Variants in ASTN1 observed in about 807,000 individuals in gnomAD.
ASTN1 encodes astrotactin-1.
Under a neutral mutation model 140.7 loss-of-function variants are expected in ASTN1, and 41 were observed. That is an observed-to-expected ratio of 0.29 (90% CI 0.23 to 0.38). The LOEUF (loss-of-function observed/expected upper bound fraction) is 0.38. Ranked by LOEUF, ASTN1 falls within the 10% of genes least tolerant of loss-of-function variation. The pLI is 1.00. For missense variants in ASTN1, 1,479 were observed against 1,678.8 expected (o/e 0.88, Z 2.08); for synonymous variants, 640 against 652.2 (o/e 0.98, Z 0.29).
chr1:176,962,077 C>A (rs553561622), intron 9 of ASTN1, among the ~76,000 whole-genome samples: 1 of 152,194 alleles, frequency 6.6e-6, no homozygotes, highest in Non-Finnish European at 1.5e-5. Context: ...GGCATCTCCA[C>A]GCTTCCTCAG....
chr1:177,158,655 C>CGT (rs34610563), intron 1 of ASTN1, among the ~76,000 whole-genome samples: 51,772 of 142,426 alleles, frequency 0.36, 9,879 homozygotes, highest in Non-Finnish European at 0.45. Flanking sequence ...GAAAAAAGTA[C>CGT]GTGTGTGTGT....
chr1:177,026,905 C>G (rs1676144999), intron 5 of ASTN1, among the ~76,000 whole-genome samples: 1 of 152,122 alleles, frequency 6.6e-6, no homozygotes, highest in Non-Finnish European at 1.5e-5. Flanking sequence ...CTGGGAGGAT[C>G]CTTCATGGAG....
chr1:177,100,078 C>T lies in ASTN1; in HGVS notation c.284-38813G>A, dbSNP rs893817297. Among the ~76,000 whole-genome samples the T allele has an allele frequency of 3.6e-4, 55 of 152,172 alleles. 1 individual carries two copies. Among genetic ancestry groups the T allele is most frequent in the African/African-American group, 1.2e-3 (50 of 41,516 alleles). On this transcript the variant is annotated intron_variant, in intron 1 of 22. Coordinates refer to ENST00000361833, the MANE Select transcript of ASTN1 (RefSeq NM_004319.3). ...AGTAAATGGCAGATAGGACTTATTC[C>T]TAGGCACCTAATTCCAATTCTAACA...
chr1:177,036,178 GTAGC>G (rs1448509259), intron 2 of ASTN1, among the ~76,000 whole-genome samples: 1 of 150,824 alleles, frequency 6.6e-6, no homozygotes, highest in Non-Finnish European at 1.5e-5. Flanking sequence ...AGCCTCCTGA[GTAGC>G]TGGGATTACA....
chr1:176,955,443 C>T (rs966268398), intron 11 of ASTN1, among the ~76,000 whole-genome samples: 4 of 152,174 alleles, frequency 2.6e-5, no homozygotes, highest in Non-Finnish European at 5.9e-5. Flanking sequence ...GCCTATGCTT[C>T]ACCAGCCAAT....
chr1:176,861,449 C>G lies in ASTN1; in HGVS notation c.*2835G>C. The G allele has an allele frequency of 1.0e-6, 1 of 985,824 alleles. No homozygotes were observed. Among genetic ancestry groups the G allele is most frequent in the Non-Finnish European group, 1.2e-6 (1 of 829,950 alleles). 61.1% of individuals were successfully genotyped at this position (985,824 alleles called of 1,614,324 possible). A position where few individuals can be genotyped will look rare whatever the true frequency, so the allele number is the denominator to read the frequency against. ...TAAGACCTGTTTGGCAGCTTGAAAA[C>G]TCAAGGTTGAATACCGGTCCAGTAC... On this transcript the variant is annotated 3_prime_UTR_variant, in exon 23 of 23. Transcript: ENST00000361833.
At chr1:176,980,833 G>T (rs1184900663) in intron 8 of ASTN1, among the ~76,000 whole-genome samples, 1 of 152,072 alleles carries the variant, frequency 6.6e-6, no homozygotes, top group Non-Finnish European at 1.5e-5. Flanking sequence ...TCTGTTAGAA[G>T]GGTAATTAAC....
rs1457341306 is a variant in ASTN1 at position 176,861,460 on chromosome 1, A to G, written c.*2824T>C. On this transcript the variant is annotated 3_prime_UTR_variant, in exon 23 of 23. Coordinates refer to ENST00000361833, the MANE Select transcript of ASTN1 (RefSeq NM_004319.3). ...TGGCAGCTTGAAAACTCAAGGTTGAATACCGGTCCAGTACCATCACCCTTT... is the reference window on the plus strand; with the variant it reads ...TGGCAGCTTGAAAACTCAAGGTTGAGTACCGGTCCAGTACCATCACCCTTT... 4 of 985,738 alleles carry G rather than the reference A, an allele frequency of 4.1e-6. No homozygotes were observed. In the African/African-American group the frequency reaches 7.0e-5, roughly 17 times the overall value. 61.1% of individuals were successfully genotyped at this position (985,738 alleles called of 1,614,324 possible). A position where few individuals can be genotyped will look rare whatever the true frequency, so the allele number is the denominator to read the frequency against.
intron 20 of ASTN1, among the ~76,000 whole-genome samples, chr1:176,881,535 A>C (rs1434432292): frequency 1.3e-5 from 2 of 152,212 alleles, no homozygotes; most frequent in Non-Finnish European, 2.9e-5. Context: ...GCCTTACAGC[A>C]GGTTAGGTGG....
chr1:177,003,644 C>G (rs1347621163), intron 8 of ASTN1, among the ~76,000 whole-genome samples: 1 of 151,972 alleles, frequency 6.6e-6, no homozygotes, highest in African/African-American at 2.4e-5. Context: ...AACCCTGTCT[C>G]TACTAAAAAT....
chr1:177,142,068 A>G (rs1228385175), intron 1 of ASTN1, among the ~76,000 whole-genome samples: 1 of 152,158 alleles, frequency 6.6e-6, no homozygotes, highest in Non-Finnish European at 1.5e-5. Flanking sequence ...TATTAGAAAA[A>G]CTACAGGGAA....
At chr1:177,062,352 C>T (rs966049205) in intron 1 of ASTN1, among the ~76,000 whole-genome samples, 3 of 151,838 alleles carry the variant, frequency 2.0e-5, no homozygotes, top group African/African-American at 7.3e-5. Context: ...GCAATCCTCC[C>T]ACCCCAGCCT....
intron 1 of ASTN1, among the ~76,000 whole-genome samples, chr1:177,083,967 C>T (rs1679300840): frequency 6.6e-6 from 1 of 152,160 alleles, no homozygotes; most frequent in African/African-American, 2.4e-5. Context: ...TATTTTTCTT[C>T]TTTTGTCAGA....
chr1:177,149,122 AAT>A lies in ASTN1; in HGVS notation c.283+15270_283+15271del, dbSNP rs1424761468. Among the ~76,000 whole-genome samples the A allele has an allele frequency of 3.4e-4, 35 of 103,626 alleles. 1 individual carries two copies. The highest frequency in any genetic ancestry group is 4.1e-4 in the Non-Finnish European group (25 of 60,422). 68.0% of individuals were successfully genotyped at this position (103,626 alleles called of 152,430 possible). A position where few individuals can be genotyped will look rare whatever the true frequency, so the allele number is the denominator to read the frequency against. On this transcript the variant is annotated intron_variant, in intron 1 of 22. Coordinates refer to ENST00000361833, the MANE Select transcript of ASTN1 (RefSeq NM_004319.3). The stretch of plus-strand genomic sequence containing the variant: ...AAATATATATAGTGTATATATAGTA[AAT>A]ATATATAGTGCATATATATAGTGCA...
At chr1:177,104,575 G>A (rs1035089035) in intron 1 of ASTN1, among the ~76,000 whole-genome samples, 1 of 152,176 alleles carries the variant, frequency 6.6e-6, no homozygotes, top group Admixed American at 6.5e-5. Context: ...ACCAAACAGT[G>A]TCTCAGCATC....
intron 16 of ASTN1, among the ~76,000 whole-genome samples, chr1:176,900,368 G>A (rs1201074183): frequency 6.6e-6 from 1 of 152,104 alleles, no homozygotes; most frequent in African/African-American, 2.4e-5. Flanking sequence ...GCTATTCCTC[G>A]TCGTGCAGGT....
intron 8 of ASTN1, among the ~76,000 whole-genome samples, chr1:176,992,441 TA>T (rs201131275): frequency 2.7e-5 from 4 of 150,844 alleles, no homozygotes; most frequent in East Asian, 1.9e-4. Context: ...TTGAACGTTG[TA>T]AAAAAAAATG....
intron 8 of ASTN1, among the ~76,000 whole-genome samples, chr1:176,973,812 A>T (rs547724208): frequency 6.6e-6 from 1 of 151,704 alleles, no homozygotes; most frequent in East Asian, 1.9e-4. Context: ...AACAGTTTCC[A>T]CTCCTGACTA....
chr1:177,117,677 C>A (rs1304997820), intron 1 of ASTN1, among the ~76,000 whole-genome samples: 2 of 152,082 alleles, frequency 1.3e-5, no homozygotes, highest in Non-Finnish European at 2.9e-5. Context: ...AATTAAATGC[C>A]CAATTTCCAG....
Sources: gnomAD v4.1 joint callset for allele counts (sites outside exome capture counted in the v4.1 genomes callset) on GRCh38, gnomAD v4.1.1 for gene constraint, MANE v1.5 for transcripts, NCBI Gene and HGNC (gene_info 2026-07-23, HGNC 2026-07-21) for gene names.